The following PAX5 variants were observed in gnomAD, a reference collection of about 807,000 sequenced individuals.
The protein encoded by PAX5 is paired box protein Pax-5.
A neutral mutation model predicts 43.7 loss-of-function variants in PAX5; 9 were observed. That is an observed-to-expected ratio of 0.21 (90% confidence interval 0.12 to 0.36). PAX5 has a LOEUF of 0.36. Among genes scored for constraint, PAX5 ranks in the 10% least tolerant of loss-of-function variants. The pLI, the probability that PAX5 is intolerant of heterozygous loss-of-function variation, is 1.00. For missense variants in PAX5, 383 were observed against 532.7 expected (o/e 0.72, Z 2.77); for synonymous variants, 228 against 214.3 (o/e 1.06, Z -0.56).
At chr9:36,966,864 T>A (rs1834488524) in intron 5 of PAX5, 140 bp from the exon 6 acceptor site, 1 of 717,476 alleles carries the variant, frequency 1.4e-6, no homozygotes, top group Non-Finnish European at 2.3e-6. Flanking sequence ...GGGGCTCAGG[T>A]AAGGCACTGC....
chr9:36,936,070 G>A (rs1831529750), intron 6 of PAX5, among the ~76,000 whole-genome samples: 1 of 152,242 alleles, frequency 6.6e-6, no homozygotes, highest in Non-Finnish European at 1.5e-5. Context: ...GAAATGGAAA[G>A]TGATTAGGTA....
chr9:36,931,255 C>T (rs1354683159), intron 6 of PAX5, among the ~76,000 whole-genome samples: 7 of 152,224 alleles, frequency 4.6e-5, no homozygotes, highest in African/African-American at 1.7e-4. Context: ...CTGGCTCCAG[C>T]GACTGAGGCT....
intron 5 of PAX5, among the ~76,000 whole-genome samples, chr9:36,978,707 G>C (rs529062624): frequency 7.0e-4 from 107 of 152,212 alleles, no homozygotes; most frequent in African/African-American, 2.5e-3. Flanking sequence ...CTCCAAGATG[G>C]GTATGGGTTT....
chr9:37,034,245 G>C lies in PAX5; in HGVS notation c.-214C>G, dbSNP rs111234296. On this transcript the variant is annotated 5_prime_UTR_variant, in exon 1 of 10. Transcript: ENST00000358127. Reference sequence around the variant, plus strand: ...TTAGGTGGAAAAAAAGCGTCCGAAGGCACCGTGAAATGATTAAGGAACTAA... The same window carrying C: ...TTAGGTGGAAAAAAAGCGTCCGAAGCCACCGTGAAATGATTAAGGAACTAA... The C allele has an allele frequency of 8.9e-6, 5 of 560,562 alleles. No individual in the cohort carries two copies. The highest frequency in any genetic ancestry group is 1.6e-5 in the Non-Finnish European group (5 of 319,072). The allele number at this position is 560,562 out of a possible 1,614,324, so 34.7% of individuals were successfully genotyped here.
intron 7 of PAX5, among the ~76,000 whole-genome samples, chr9:36,921,540 G>C (rs1353283074): frequency 6.6e-6 from 1 of 152,164 alleles, no homozygotes; most frequent in Non-Finnish European, 1.5e-5. Context: ...CCACTCAACT[G>C]CCCCAAGCCT....
chr9:37,004,926 C>T (rs147684409), intron 4 of PAX5, among the ~76,000 whole-genome samples: 3 of 152,276 alleles, frequency 2.0e-5, no homozygotes, highest in Non-Finnish European at 2.9e-5. Flanking sequence ...CCTCACTCCT[C>T]GGTAAGTTTG....
At chr9:36,879,453 G>A (rs1452864182) in intron 8 of PAX5, among the ~76,000 whole-genome samples, 1 of 152,202 alleles carries the variant, frequency 6.6e-6, no homozygotes, top group Non-Finnish European at 1.5e-5. Context: ...AACAGGTTCC[G>A]GGGCTGTCCC....
In PAX5 at chr9:36,917,154, A is replaced by T. The variant is rs180762411; in HGVS notation, c.910+6201T>A. ...GACTTTAAAATGGATAAATCAAAGTATAAACAGGTCTTTGGTCAAGGGTTT... is the reference window on the plus strand; with the variant it reads ...GACTTTAAAATGGATAAATCAAAGTTTAAACAGGTCTTTGGTCAAGGGTTT... On this transcript the variant is annotated intron_variant, in intron 7 of 9. Coordinates refer to ENST00000358127, the MANE Select transcript of PAX5 (RefSeq NM_016734.3). Among the ~76,000 whole-genome samples the T allele has an allele frequency of 9.2e-5, 14 of 152,354 alleles. No individual in the cohort carries two copies. In the East Asian group the frequency reaches 2.7e-3, roughly 29 times the overall value.
intron 6 of PAX5, among the ~76,000 whole-genome samples, chr9:36,958,311 G>A (rs1460544778): frequency 1.4e-5 from 2 of 140,478 alleles, no homozygotes; most frequent in African/African-American, 5.3e-5. Flanking sequence ...AAAAAAAATG[G>A]CTTCCATTGA....
chr9:36,994,662 G>A (rs905167694), intron 5 of PAX5, among the ~76,000 whole-genome samples: 4 of 152,174 alleles, frequency 2.6e-5, no homozygotes, highest in Non-Finnish European at 5.9e-5. Flanking sequence ...CACAAGTGCC[G>A]AGAGCAACTT....
At chr9:36,986,169 G>A (rs977749201) in intron 5 of PAX5, among the ~76,000 whole-genome samples, 1 of 151,584 alleles carries the variant, frequency 6.6e-6, no homozygotes, top group Non-Finnish European at 1.5e-5. Flanking sequence ...CGGGGCCCCG[G>A]AAAGCTGGCA....
intron 8 of PAX5, among the ~76,000 whole-genome samples, chr9:36,869,895 A>AATGGATGGATGG: frequency 2.0e-5 from 1 of 49,412 alleles, no homozygotes; most frequent in East Asian, 7.5e-4. Context: ...TGGATGGATA[A>AATGGATGGATGG]ATGGATGGAT....
At chr9:36,929,246 G>GAAGA (rs1563978705) in intron 6 of PAX5, among the ~76,000 whole-genome samples, 3 of 16,342 alleles carry the variant, frequency 1.8e-4, no homozygotes, top group African/African-American at 3.8e-4. Context: ...AGGAAGGAAG[G>GAAGA]AAGGAAGGAA....
intron 7 of PAX5, among the ~76,000 whole-genome samples, chr9:36,907,983 C>A (rs996291003): frequency 6.6e-6 from 1 of 151,986 alleles, no homozygotes; most frequent in Non-Finnish European, 1.5e-5. Context: ...GAGGATTGCT[C>A]GAGCCCAGGA....
intron 5 of PAX5, among the ~76,000 whole-genome samples, chr9:36,982,259 AT>A (rs1836001457): frequency 6.6e-6 from 1 of 152,018 alleles, no homozygotes; most frequent in Admixed American, 6.5e-5. Context: ...GCAAGATTTC[AT>A]CTCAAAAAAA....
intron 5 of PAX5, among the ~76,000 whole-genome samples, chr9:36,971,012 T>A (rs547085692): frequency 1.8e-4 from 27 of 152,338 alleles, no homozygotes; most frequent in African/African-American, 6.3e-4. Flanking sequence ...ACCATCACTC[T>A]GCATGTCTGT....
chr9:36,937,723 CTCCTATAGAAAAGGTT>C (rs1267866546), intron 6 of PAX5, among the ~76,000 whole-genome samples: 1 of 152,198 alleles, frequency 6.6e-6, no homozygotes, highest in Admixed American at 6.5e-5. Context: ...GAAGAATGAC[CTCCTATAGAAAAGGTT>C]TCCAGATAGG....
intron 7 of PAX5, among the ~76,000 whole-genome samples, chr9:36,906,355 G>C (rs1056484726): frequency 1.3e-5 from 2 of 152,182 alleles, no homozygotes; most frequent in Non-Finnish European, 2.9e-5. Context: ...GACAGAAGAT[G>C]TGGCAGCAGA....
At chr9:37,002,496 G>A (rs1000225652) in intron 5 of PAX5, 152 bp downstream of exon 5, 6 of 786,988 alleles carry the variant, frequency 7.6e-6, no homozygotes, top group Non-Finnish European at 1.2e-5. Context: ...CCTTTCCCGT[G>A]TTCACGAAAA....
Sources: gnomAD v4.1 joint callset for allele counts (sites outside exome capture counted in the v4.1 genomes callset) on GRCh38, gnomAD v4.1.1 for gene constraint, MANE v1.5 for transcripts, NCBI Gene and HGNC (gene_info 2026-07-23, HGNC 2026-07-21) for gene names.